The following CSGALNACT1 variants were observed in gnomAD, a reference collection of about 807,000 sequenced individuals.
CSGALNACT1 encodes beta4GalNAcT-1.
A neutral mutation model predicts 51.0 loss-of-function variants in CSGALNACT1; 52 were observed. The observed-to-expected ratio is 1.02, with a 90% CI of 0.82 to 1.29. CSGALNACT1 has a LOEUF of 1.29. Ranked by LOEUF, CSGALNACT1 falls within the 50% of genes most tolerant of loss-of-function variation. The pLI is 0.00. For missense variants in CSGALNACT1, 935 were observed against 679.2 expected (o/e 1.38, Z -4.19); for synonymous variants, 341 against 254.4 (o/e 1.34, Z -3.24).
intron 4 of CSGALNACT1, among the ~76,000 whole-genome samples, chr8:19,469,129 C>G (rs1487232031): frequency 6.6e-6 from 1 of 152,158 alleles, no homozygotes; most frequent in Non-Finnish European, 1.5e-5. Flanking sequence ...GTGGCTCATA[C>G]TTGTAATCCT....
At chr8:19,694,766 T>C (rs567034767) in intron 1 of CSGALNACT1, among the ~76,000 whole-genome samples, 15 of 152,160 alleles carry the variant, frequency 9.9e-5, no homozygotes, top group Non-Finnish European at 4.4e-5. Flanking sequence ...CTTAAGGAAA[T>C]GCAGGCAGCT....
intron 1 of CSGALNACT1, among the ~76,000 whole-genome samples, chr8:19,744,756 A>G (rs773518654): frequency 6.6e-6 from 1 of 152,198 alleles, no homozygotes; most frequent in East Asian, 1.9e-4. Context: ...TGATTTGTCT[A>G]TTCACGAACA....
At chr8:19,510,960 C>G (rs932187214) in intron 3 of CSGALNACT1, among the ~76,000 whole-genome samples, 1 of 152,208 alleles carries the variant, frequency 6.6e-6, no homozygotes, top group African/African-American at 2.4e-5. Context: ...AAGCATTTCA[C>G]TCTGCAGATT....
chr8:19,601,072 G>T (rs1042237251), intron 2 of CSGALNACT1, among the ~76,000 whole-genome samples: 47 of 152,030 alleles, frequency 3.1e-4, no homozygotes, highest in Middle Eastern at 3.4e-3. Context: ...TACAGTACTT[G>T]TTTTATTTTG....
chr8:19,550,706 G>A (rs778034126), intron 3 of CSGALNACT1, among the ~76,000 whole-genome samples: 3 of 151,970 alleles, frequency 2.0e-5, no homozygotes, highest in Non-Finnish European at 2.9e-5. Context: ...ATTTTATTTC[G>A]GGGGGCAGGG....
intron 4 of CSGALNACT1, among the ~76,000 whole-genome samples, chr8:19,484,266 A>C (rs1339797273): frequency 1.4e-5 from 2 of 147,542 alleles, no homozygotes; most frequent in African/African-American, 5.1e-5. Context: ...TCTCCACCGA[A>C]TAAGAAAAAA....
intron 4 of CSGALNACT1, among the ~76,000 whole-genome samples, chr8:19,489,187 C>G (rs1370169686): frequency 2.0e-5 from 3 of 147,206 alleles, no homozygotes; most frequent in African/African-American, 7.4e-5. Context: ...GTGAGAAAAT[C>G]AGTATGATTA....
At chr8:19,743,777 C>G (rs1350083136) in intron 1 of CSGALNACT1, among the ~76,000 whole-genome samples, 3 of 152,142 alleles carry the variant, frequency 2.0e-5, no homozygotes, top group East Asian at 3.8e-4. Flanking sequence ...CATCAAGTAA[C>G]TATTCTATAT....
chr8:19,625,569 C>T (rs1402381951), intron 1 of CSGALNACT1, among the ~76,000 whole-genome samples: 3 of 152,192 alleles, frequency 2.0e-5, no homozygotes, highest in Non-Finnish European at 4.4e-5. Context: ...ACCTTGCTTA[C>T]TGAATTAGAA....
chr8:19,593,607 G>A (rs554798489), intron 2 of CSGALNACT1, among the ~76,000 whole-genome samples: 4 of 152,198 alleles, frequency 2.6e-5, no homozygotes, highest in African/African-American at 9.6e-5. Context: ...GTTCTTTTGA[G>A]GAAGTCTGTA....
chr8:19,421,810 T>G (rs2057993249), intron 6 of CSGALNACT1, among the ~76,000 whole-genome samples: 1 of 152,226 alleles, frequency 6.6e-6, no homozygotes, highest in Admixed American at 6.5e-5. Flanking sequence ...GCTTGGATTC[T>G]TATCTTAGGG....
chr8:19,425,227 A>G (rs2058590869), intron 6 of CSGALNACT1, among the ~76,000 whole-genome samples: 6 of 152,122 alleles, frequency 3.9e-5, no homozygotes, highest in Admixed American at 3.9e-4. Flanking sequence ...TGTAGTCCTC[A>G]CTACTTGGGA....
At chr8:19,645,150 G>T (rs1160528568) in intron 1 of CSGALNACT1, among the ~76,000 whole-genome samples, 1 of 152,176 alleles carries the variant, frequency 6.6e-6, no homozygotes, top group African/African-American at 2.4e-5. Flanking sequence ...CTCTCACCAA[G>T]GCAGGAGGCC....
Position 19,545,607 on chromosome 8 carries a change from G to A in CSGALNACT1, c.-296-39477C>T, listed in dbSNP as rs184437235. Reference sequence around the variant, plus strand: ...CAAACATAATATGCATTCAATAAATGTCTCTGGGTCAATGAATGAGTATGC... The same window carrying A: ...CAAACATAATATGCATTCAATAAATATCTCTGGGTCAATGAATGAGTATGC... On this transcript the variant is annotated intron_variant, in intron 3 of 9. Coordinates refer to ENST00000454498, the Ensembl canonical transcript of CSGALNACT1. 1.8e-3 allele frequency among the ~76,000 whole-genome samples: 274 copies of A among 151,986 alleles called. 5 individuals carry two copies. The highest frequency in any genetic ancestry group is 0.017 in the Admixed American group (255 of 15,240).
At chr8:19,746,577 C>T (rs1484549135) in intron 1 of CSGALNACT1, among the ~76,000 whole-genome samples, 1 of 152,192 alleles carries the variant, frequency 6.6e-6, no homozygotes, top group East Asian at 1.9e-4. Flanking sequence ...CAGGTCATCT[C>T]AAACCTGCTA....
chr8:19,695,032 C>T (rs2061517032), intron 1 of CSGALNACT1, among the ~76,000 whole-genome samples: 1 of 152,130 alleles, frequency 6.6e-6, no homozygotes, highest in Non-Finnish European at 1.5e-5. Context: ...ACAGCTCACT[C>T]CTCCTCTGCT....
At chr8:19,480,767 T>G (rs1306883442) in intron 4 of CSGALNACT1, among the ~76,000 whole-genome samples, 1 of 152,166 alleles carries the variant, frequency 6.6e-6, no homozygotes, top group African/African-American at 2.4e-5. Flanking sequence ...CTCTTCTCAT[T>G]TCCTATCCCT....
intron 1 of CSGALNACT1, among the ~76,000 whole-genome samples, chr8:19,627,480 A>G (rs2054597903): frequency 6.6e-6 from 1 of 152,122 alleles, no homozygotes; most frequent in South Asian, 2.1e-4. Context: ...ACACACATCT[A>G]GAGAGGTAAT....
rs147670284 is a variant in CSGALNACT1 at position 19,733,534 on chromosome 8, C to A, written c.-297+24316G>T. On this transcript the variant is annotated intron_variant, in intron 1 of 1. Transcript: ENST00000517494. ...CAGCTGTGTGACATATGAAGTTTTA[C>A]GCCAATATGGATTATCGCTCACCTC... Among the ~76,000 whole-genome samples the A allele has an allele frequency of 4.1e-4, 62 of 152,090 alleles. No individual in the cohort carries two copies. The South Asian group carries it at 8.5e-3, about 21-fold the overall frequency.
Sources: gnomAD v4.1 joint callset for allele counts (sites outside exome capture counted in the v4.1 genomes callset) on GRCh38, gnomAD v4.1.1 for gene constraint, MANE v1.5 for transcripts, NCBI Gene and HGNC (gene_info 2026-07-23, HGNC 2026-07-21) for gene names.